SLC7A6OS: variants seen among roughly 807,000 people sequenced by gnomAD.
SLC7A6OS encodes the protein solute carrier family 7 member 6 opposite strand.
A neutral mutation model predicts 34.3 loss-of-function variants in SLC7A6OS; 22 were observed. That is an observed-to-expected ratio of 0.64 (90% CI 0.46 to 0.92). The LOEUF is 0.92. Ranked by LOEUF, SLC7A6OS falls within the 40% of genes least tolerant of loss-of-function variation. The probability of loss-of-function intolerance (pLI) is 0.00; values close to 1 mark genes in which losing one functional copy is unlikely to be tolerated. For synonymous variants in SLC7A6OS, 199 were observed against 165.0 expected, an observed-to-expected ratio of 1.21 and a Z score of -1.58; for missense variants, 434 against 407.7, an observed-to-expected ratio of 1.06 and a Z score of -0.56.
Position 68,310,479 on chromosome 16 carries a change from G to A in SLC7A6OS, c.327C>T (p.Arg109=). 1 of 1,596,230 alleles carries A rather than the reference G, an allele frequency of 6.3e-7. No homozygotes were observed. The highest frequency in any genetic ancestry group is 8.5e-7 in the Non-Finnish European group (1 of 1,172,048). The change falls in exon 2 of 5, where the codon CGC becomes CGT. Residue 109 remains arginine, a synonymous_variant. Transcript: ENST00000263997. ...CGCTCGAGGTGGTCCCCAAGGATCG[G>A]CGGCTGGAAAGCACCCGGTAGCGGC... The part of the protein sequence containing the change: ...QEGRYRVLSS[R]RSLGTTSSGQ...
Position 68,299,370 on chromosome 16 carries a change from C to T in SLC7A6OS, c.*1905G>A, listed in dbSNP as rs2043229209. 6.6e-6 allele frequency: 1 copy of T among 152,618 alleles called. No homozygotes were observed. The highest frequency in any genetic ancestry group is 2.1e-4 in the South Asian group (1 of 4,838). The allele number at this position is 152,618 out of a possible 1,614,324, so 9.5% of individuals were successfully genotyped here. On this transcript the variant is annotated 3_prime_UTR_variant, in exon 5 of 5. Coordinates refer to ENST00000263997, the MANE Select transcript of SLC7A6OS (RefSeq NM_032178.3). ...CACATGCCAGGTGCCCTAGTACTTG[C>T]TTAGTGAGCCATGTCATCCTCCTTT...
intron 2 of SLC7A6OS, among the ~76,000 whole-genome samples, chr16:68,306,961 T>A (rs1417511451): frequency 6.6e-6 from 1 of 152,178 alleles, no homozygotes; most frequent in Non-Finnish European, 1.5e-5. Flanking sequence ...TTTCTTGGCC[T>A]CCCAAAGTAT....
chr16:68,302,992 G>A (rs868821101), intron 3 of SLC7A6OS, among the ~76,000 whole-genome samples: 6 of 152,152 alleles, frequency 3.9e-5, no homozygotes, highest in African/African-American at 9.7e-5. Flanking sequence ...GGCTGGGCGC[G>A]GTGGCTCACG....
At chr16:68,305,848 C>A (rs977741901) in intron 2 of SLC7A6OS, among the ~76,000 whole-genome samples, 5 of 152,070 alleles carry the variant, frequency 3.3e-5, no homozygotes, top group African/African-American at 1.2e-4. Flanking sequence ...ATGTTTGAGC[C>A]CAGGAGTTTG....
Position 68,310,814 on chromosome 16 carries a change from G to T in SLC7A6OS, c.113C>A (p.Ala38Glu), listed in dbSNP as rs777780271. 1 of 1,613,702 alleles carries T rather than the reference G, an allele frequency of 6.2e-7. No individual in the cohort carries two copies. Among genetic ancestry groups the T allele is most frequent in the Admixed American group, 1.7e-5 (1 of 60,024 alleles). ...CAAACCCTCCGACGTCTTCTGTGCC[G>T]CTGACTCGACCGCGTCGCTCCGGAG... ...KRLRSDAVES[A>E]AQKTSEGLER... is the part of the protein sequence containing the mutation. The change falls in exon 1 of 5, where the codon GCG becomes GAG. Residue 38 changes from alanine to glutamate, a missense_variant. Physicochemically the swap from Ala to Glu is moderately radical, Grantham distance 107. Coordinates refer to ENST00000263997, the MANE Select transcript of SLC7A6OS (RefSeq NM_032178.3).
rs1034269980 is a variant in SLC7A6OS at position 68,298,336 on chromosome 16, T to A, written c.*2939A>T. 4.5e-4 allele frequency: 68 copies of A among 152,608 alleles called. 1 individual carries two copies. Among genetic ancestry groups the A allele is most frequent in the African/African-American group, 1.6e-3 (65 of 41,438 alleles). The allele number at this position is 152,608 out of a possible 1,614,324, so 9.5% of individuals were successfully genotyped here. On this transcript the variant is annotated 3_prime_UTR_variant, in exon 5 of 5. Transcript: ENST00000263997. ...AGCTGTCAATGGCTTGGAGAACATC[T>A]CATGGGCCCAAGTCATCAAATAACC...
chr16:68,310,713 C>G, intron 1 of SLC7A6OS, 22 bp downstream of exon 1: 2 of 1,592,700 alleles, frequency 1.3e-6, no homozygotes, highest in Non-Finnish European at 1.7e-6. Context: ...GCCCTCCACA[C>G]CAGCTGCACC....
At chr16:68,303,263 CA>C (rs796694122) in intron 3 of SLC7A6OS, among the ~76,000 whole-genome samples, 23,832 of 84,080 alleles carry the variant, frequency 0.28, 2,417 homozygotes, top group African/African-American at 0.42. Context: ...GACTCCATCT[CA>C]AAAAAAAAAA....
Position 68,300,497 on chromosome 16 carries a change from TG to T in SLC7A6OS, c.*777del, listed in dbSNP as rs1254302276. 1 of 504,292 alleles carries T rather than the reference TG, an allele frequency of 2.0e-6. No homozygotes were observed. The highest frequency in any genetic ancestry group is 2.6e-6 in the Non-Finnish European group (1 of 390,538). 31.2% of individuals were successfully genotyped at this position (504,292 alleles called of 1,614,324 possible). ...GGAAAGCTAAGTTCAGAAGGTACTT[TG>T]TTTTTCCTCCCTTGCCTTAAGTCCT... On this transcript the variant is annotated 3_prime_UTR_variant, in exon 5 of 5. Coordinates refer to ENST00000263997, the MANE Select transcript of SLC7A6OS (RefSeq NM_032178.3).
intron 2 of SLC7A6OS, among the ~76,000 whole-genome samples, chr16:68,305,026 A>G (rs1263006720): frequency 6.6e-6 from 1 of 152,170 alleles, no homozygotes; most frequent in African/African-American, 2.4e-5. Context: ...TCTCAAAACA[A>G]TGAAAGAAAA....
In SLC7A6OS at chr16:68,304,099, T is replaced by C. The variant is rs1341123427; in HGVS notation, c.605A>G (p.Tyr202Cys). The C allele has an allele frequency of 5.0e-6, 8 of 1,614,130 alleles. No individual in the cohort carries two copies. Among genetic ancestry groups the C allele is most frequent in the Non-Finnish European group, 5.9e-6 (7 of 1,180,010 alleles). The part of the protein sequence containing the change: ...KHDDYVYDIY[Y>C]LETATPGWIE... ...CCAGCCTGGAGTGGCCGTCTCCAAG[T>C]AGTAAATGTCATACACATAGTCATC... Residue 202 changes from tyrosine (Y) to cysteine (C), a missense_variant, in exon 3 of 5, where the codon TAC becomes TGC. Coordinates refer to ENST00000263997, the MANE Select transcript of SLC7A6OS (RefSeq NM_032178.3).
Position 68,300,127 on chromosome 16 carries a change from G to A in SLC7A6OS, c.*1148C>T, listed in dbSNP as rs930249689. On this transcript the variant is annotated 3_prime_UTR_variant, in exon 5 of 5. Transcript: ENST00000263997. The stretch of plus-strand genomic sequence containing the variant: ...TCTGTGTTGTTTCCTTAGACCTGTG[G>A]TGTCCGCTGCAACAGCTACTAGCCA... The A allele has an allele frequency of 1.3e-5, 2 of 152,190 alleles. No homozygotes were observed. The highest frequency in any genetic ancestry group is 4.8e-5 in the African/African-American group (2 of 41,436). 9.4% of individuals were successfully genotyped at this position (152,190 alleles called of 1,614,324 possible). A position where few individuals can be genotyped will look rare whatever the true frequency, so the allele number is the denominator to read the frequency against.
At chr16:68,309,051 C>CAAA (rs57351239) in intron 2 of SLC7A6OS, among the ~76,000 whole-genome samples, 1 of 68,470 alleles carries the variant, frequency 1.5e-5, no homozygotes, top group African/African-American at 5.0e-5. Flanking sequence ...GACTCTGACT[C>CAAA]AAAAAAAAAA....
chr16:68,310,513 C>T lies in SLC7A6OS; in HGVS notation c.293G>A (p.Arg98Gln), dbSNP rs1463210583. ...RNLRASAREV[R>Q]QEGRYRVLSS... is the part of the protein sequence containing the mutation. ...AAGCACCCGGTAGCGGCCCTCCTGC[C>T]GGACCTCCCGAGCCGAGGCGCGGAG... Residue 98 changes from arginine to glutamine, a missense_variant, in exon 2 of 5, where the codon CGG becomes CAG. Coordinates refer to ENST00000263997, the MANE Select transcript of SLC7A6OS (RefSeq NM_032178.3). The T allele has an allele frequency of 6.3e-7, 1 of 1,582,616 alleles. No homozygotes were observed. The highest frequency in any genetic ancestry group is 8.6e-7 in the Non-Finnish European group (1 of 1,165,224).
Position 68,301,111 on chromosome 16 carries a change from C to T in SLC7A6OS, c.*164G>A. 1 of 1,353,846 alleles carries T rather than the reference C, an allele frequency of 7.4e-7. No homozygotes were observed. Among genetic ancestry groups the T allele is most frequent in the Non-Finnish European group, 9.5e-7 (1 of 1,049,642 alleles). 83.9% of individuals were successfully genotyped at this position (1,353,846 alleles called of 1,614,324 possible). ...AAGTGGAAAAGACTCACTCCCCTAA[C>T]ATAAGTTTTCACTGTGGTGGGATGG... is the stretch of plus-strand genomic sequence containing the variant. On this transcript the variant is annotated 3_prime_UTR_variant, in exon 5 of 5. Transcript: ENST00000263997.
chr16:68,303,676 T>C (rs1316410242), intron 3 of SLC7A6OS: 1 of 196,998 alleles, frequency 5.1e-6, no homozygotes, highest in East Asian at 1.3e-4. Flanking sequence ...AAATAGATTT[T>C]GTTGTCACTC....
intron 2 of SLC7A6OS, 95 bp downstream of exon 2, chr16:68,310,240 C>T: frequency 1.5e-6 from 2 of 1,338,552 alleles, no homozygotes; most frequent in Non-Finnish European, 1.0e-6. Flanking sequence ...ATGGATCATC[C>T]ATCCCCTTAA....
Position 68,310,881 on chromosome 16 carries a change from T to G in SLC7A6OS, c.46A>C (p.Ser16Arg). ...ACAAGAGCCTCCGCCGGCTCCGCAC[T>G]GCGCTTCCGCTTCACCCGGAGTACA... ...TAVLRVKRKR[S>R]AEPAEALVLA... Residue 16 changes from serine (S) to arginine (R), a missense_variant, in exon 1 of 5, where the codon AGT becomes CGT. By Grantham distance (110) the Ser-to-Arg change is moderately radical. Coordinates refer to ENST00000263997, the MANE Select transcript of SLC7A6OS (RefSeq NM_032178.3). 11 of 1,606,956 alleles carry G rather than the reference T, an allele frequency of 6.8e-6. No homozygotes were observed. Among genetic ancestry groups the G allele is most frequent in the Non-Finnish European group, 9.3e-6 (11 of 1,177,922 alleles).
Position 68,301,326 on chromosome 16 carries a change from A to C in SLC7A6OS, c.879T>G (p.Asp293Glu). The part of the protein sequence containing the change: ...RQRMWSKYPL[D>E]VQKEFGYDSP... ...TGTCATAGCCGAACTCCTTCTGCAC[A>C]TCCAGAGGGTACTTGCTCCACATCC... The change falls in exon 5 of 5, where the codon GAT becomes GAG. Residue 293 changes from aspartate to glutamate, a missense_variant. Physicochemically the swap from Asp to Glu is conservative, Grantham distance 45. Coordinates refer to ENST00000263997, the MANE Select transcript of SLC7A6OS (RefSeq NM_032178.3). 6.2e-7 allele frequency: 1 copy of C among 1,614,146 alleles called. No homozygotes were observed. Among genetic ancestry groups the C allele is most frequent in the South Asian group, 1.1e-5 (1 of 91,078 alleles).
Sources: gnomAD v4.1 joint callset for allele counts (sites outside exome capture counted in the v4.1 genomes callset) on GRCh38, gnomAD v4.1.1 for gene constraint, MANE v1.5 for transcripts, NCBI Gene and HGNC (gene_info 2026-07-23, HGNC 2026-07-21) for gene names.